ADCY1: variants seen among roughly 807,000 people sequenced by gnomAD.
ADCY1 encodes the protein adenylate cyclase 1.
Under a neutral mutation model 105.4 loss-of-function variants are expected in ADCY1, and 28 were observed. The observed-to-expected ratio is 0.27, with a 90% CI of 0.20 to 0.36. ADCY1 has a LOEUF of 0.36. ADCY1 is among the 10% of genes least tolerant of loss of function. ADCY1 has a pLI of 1.00. For synonymous variants in ADCY1, 655 were observed against 623.8 expected, an observed-to-expected ratio of 1.05 and a Z score of -0.75; for missense variants, 977 against 1,434.2, an observed-to-expected ratio of 0.68 and a Z score of 5.15.
intron 14 of ADCY1, among the ~76,000 whole-genome samples, chr7:45,688,242 A>T (rs544419130): frequency 6.6e-6 from 1 of 152,226 alleles, no homozygotes; most frequent in Non-Finnish European, 1.5e-5. Context: ...TTTCTGCTTC[A>T]GCAGTAAAAT....
chr7:45,712,005 TA>T (rs1785263797), intron 19 of ADCY1, among the ~76,000 whole-genome samples: 2 of 115,848 alleles, frequency 1.7e-5, no homozygotes, highest in Admixed American at 2.0e-4. Context: ...TATATTATAT[TA>T]AATATATATT....
intron 14 of ADCY1, among the ~76,000 whole-genome samples, chr7:45,692,341 G>A (rs1784799692): frequency 1.3e-5 from 2 of 152,192 alleles, no homozygotes; most frequent in South Asian, 2.1e-4. Flanking sequence ...TGCTGGGGAC[G>A]CTCACATGGT....
rs1252935507 is a variant in ADCY1 at position 45,722,950 on chromosome 7, C to A, written c.*8955C>A. 6.6e-6 allele frequency: 1 copy of A among 152,488 alleles called. No homozygotes were observed. The highest frequency in any genetic ancestry group is 1.5e-5 in the Non-Finnish European group (1 of 68,016). 9.4% of individuals were successfully genotyped at this position (152,488 alleles called of 1,614,324 possible). A position where few individuals can be genotyped will look rare whatever the true frequency, so the allele number is the denominator to read the frequency against. On this transcript the variant is annotated 3_prime_UTR_variant, in exon 20 of 20. Transcript: ENST00000297323. ...CTTTTTCAAGATTGTTAAATTGAGACAAGTAATTGAATAATTTGTCCTATT... is the reference window on the plus strand; with the variant it reads ...CTTTTTCAAGATTGTTAAATTGAGAAAAGTAATTGAATAATTTGTCCTATT...
At chr7:45,610,768 TAGTGGAGGTGTGGG>T (rs1562687026) in intron 3 of ADCY1, among the ~76,000 whole-genome samples, 22 of 141,040 alleles carry the variant, frequency 1.6e-4, no homozygotes, top group South Asian at 4.6e-4. Context: ...GTAGAGGTGA[TAGTGGAGGTGTGGG>T]GGTGATGGTG....
intron 2 of ADCY1, among the ~76,000 whole-genome samples, chr7:45,600,418 G>T (rs1726761043): frequency 6.6e-6 from 1 of 152,246 alleles, no homozygotes; most frequent in African/African-American, 2.4e-5. Flanking sequence ...GAGCAGCCAT[G>T]GGAAGGCAGG....
At chr7:45,608,626 G>A (rs1398191557) in intron 2 of ADCY1, among the ~76,000 whole-genome samples, 2 of 152,236 alleles carry the variant, frequency 1.3e-5, no homozygotes, top group Non-Finnish European at 2.9e-5. Context: ...TGTGCCAGGG[G>A]CTTCCCAGCA....
At chr7:45,585,782 TTC>T (rs768621624) in intron 1 of ADCY1, among the ~76,000 whole-genome samples, 2 of 152,082 alleles carry the variant, frequency 1.3e-5, no homozygotes, top group Non-Finnish European at 2.9e-5. Flanking sequence ...GCACCTTGGC[TTC>T]AGTTTGTTCA....
intron 8 of ADCY1, among the ~76,000 whole-genome samples, chr7:45,667,022 A>T (rs6977046): frequency 0.53 from 80,976 of 151,970 alleles, 25,052 homozygotes; most frequent in South Asian, 0.69. Flanking sequence ...TAGATTCTGG[A>T]TATTAGCCCT....
chr7:45,664,615 C>T (rs1295826166), intron 8 of ADCY1: 2 of 865,636 alleles, frequency 2.3e-6, no homozygotes, highest in Non-Finnish European at 3.2e-6. Flanking sequence ...CATTTTGTTC[C>T]TTCCAGTTTC....
At chr7:45,673,736 C>CT (rs772739097) in intron 8 of ADCY1, among the ~76,000 whole-genome samples, 2 of 151,774 alleles carry the variant, frequency 1.3e-5, no homozygotes, top group East Asian at 3.9e-4. Flanking sequence ...TTGATTTTCT[C>CT]TATTTTTTTT....
At chr7:45,639,850 A>G (rs1029838368) in intron 4 of ADCY1, among the ~76,000 whole-genome samples, 3 of 152,146 alleles carry the variant, frequency 2.0e-5, no homozygotes, top group African/African-American at 4.8e-5. Flanking sequence ...GCTTGAGGCT[A>G]CCTGGATCTA....
intron 4 of ADCY1, among the ~76,000 whole-genome samples, chr7:45,636,437 C>T (rs1794399878): frequency 1.3e-5 from 2 of 152,224 alleles, no homozygotes; most frequent in Non-Finnish European, 2.9e-5. Context: ...CTTGATAGGC[C>T]TAACTACATT....
At chr7:45,677,257 C>T (rs1434116084) in intron 8 of ADCY1, among the ~76,000 whole-genome samples, 1 of 152,148 alleles carries the variant, frequency 6.6e-6, no homozygotes, top group Non-Finnish European at 1.5e-5. Flanking sequence ...TTATTTTCTT[C>T]TCAAGTATAT....
chr7:45,644,113 C>T (rs1177695257), intron 4 of ADCY1, among the ~76,000 whole-genome samples: 1 of 152,216 alleles, frequency 6.6e-6, no homozygotes, highest in East Asian at 1.9e-4. Flanking sequence ...CAGTCACTTT[C>T]GGGCAAAAAC....
At position 45,591,429 on chromosome 7, in the gene ADCY1, T is replaced by C. The variant is rs1425928342; in HGVS notation, c.640-1330T>C. Among the ~76,000 whole-genome samples the C allele has an allele frequency of 6.6e-6, 1 of 152,100 alleles. No homozygotes were observed. The highest frequency in any genetic ancestry group is 6.5e-5 in the Admixed American group (1 of 15,270). ...GCTGCTCCCCACACTACTGTGTGAG[T>C]TTGTTTTTGATTTTAGTTCTGTTTC... On this transcript the variant is annotated intron_variant, in intron 1 of 19. Transcript: ENST00000297323. This position sits in a 1 kb window ranked among gnomAD's most constrained non-coding sequence, Gnocchi z 4.1.
intron 4 of ADCY1, among the ~76,000 whole-genome samples, chr7:45,648,198 C>G (rs1794714250): frequency 6.6e-6 from 1 of 152,180 alleles, no homozygotes; most frequent in African/African-American, 2.4e-5. Flanking sequence ...CCAGGGACAC[C>G]CAGATGGGTG....
intron 14 of ADCY1, among the ~76,000 whole-genome samples, chr7:45,690,447 G>A (rs139591869): frequency 0.014 from 2,175 of 152,304 alleles, 23 homozygotes; most frequent in South Asian, 0.034. Context: ...GCCGGGAGAC[G>A]CAGCCAGTCC....
intron 8 of ADCY1, chr7:45,664,681 G>T: frequency 1.0e-5 from 3 of 295,968 alleles, no homozygotes; most frequent in East Asian, 7.1e-5. Flanking sequence ...TACACAGGCA[G>T]TTTGGTTGCT....
chr7:45,711,943 A>T (rs1446908760), intron 19 of ADCY1, among the ~76,000 whole-genome samples: 33 of 58,446 alleles, frequency 5.6e-4, no homozygotes, highest in African/African-American at 1.7e-3. Flanking sequence ...AAATATATAA[A>T]TACATATTAT....
Sources: allele counts gnomAD v4.1 joint callset (sites outside exome capture counted in the v4.1 genomes callset), GRCh38; gene constraint gnomAD v4.1.1; non-coding constraint Gnocchi (gnomAD v3.1); transcripts MANE v1.5; gene names NCBI Gene and HGNC (gene_info 2026-07-23, HGNC 2026-07-21).